The following PDGFD variants were observed in gnomAD, a reference collection of about 807,000 sequenced individuals.
The protein encoded by PDGFD is platelet-derived growth factor D.
In PDGFD, 30 loss-of-function variants were observed where a neutral mutation model predicts 44.7. The ratio of observed to expected loss-of-function variants is 0.67; its 90% CI spans 0.50 to 0.91. PDGFD has a LOEUF of 0.91. Ranked by LOEUF, PDGFD falls within the 40% of genes least tolerant of loss-of-function variation. The pLI is 0.00. For synonymous variants in PDGFD, 173 were observed against 168.4 expected (o/e 1.03, Z -0.21); for missense variants, 445 against 457.8 (o/e 0.97, Z 0.25).
chr11:104,150,070 T>G (rs867850926), intron 1 of PDGFD, among the ~76,000 whole-genome samples: 3 of 152,098 alleles, frequency 2.0e-5, no homozygotes, highest in South Asian at 2.1e-4. Context: ...TTCAACACTT[T>G]GACCTCAGAA....
At chr11:104,047,724 A>C (rs2134403798) in intron 1 of PDGFD, among the ~76,000 whole-genome samples, 2 of 118,626 alleles carry the variant, frequency 1.7e-5, no homozygotes, top group Admixed American at 1.6e-4. Flanking sequence ...GAAGTTTCAA[A>C]TTTCCACTCC....
chr11:104,011,332 T>A (rs978523605), intron 1 of PDGFD, among the ~76,000 whole-genome samples: 3 of 152,094 alleles, frequency 2.0e-5, no homozygotes, highest in African/African-American at 7.2e-5. Context: ...ATGACTATAT[T>A]TAATATGTAC....
intron 1 of PDGFD, among the ~76,000 whole-genome samples, chr11:104,120,487 C>T (rs902248428): frequency 6.6e-6 from 1 of 151,788 alleles, no homozygotes; most frequent in African/African-American, 2.4e-5. Context: ...AATTCTTGAC[C>T]TGGCACCAAC....
At chr11:104,064,051 G>A (rs1860751405) in intron 1 of PDGFD, among the ~76,000 whole-genome samples, 1 of 152,222 alleles carries the variant, frequency 6.6e-6, no homozygotes, top group South Asian at 2.1e-4. Context: ...TGCAGACCCT[G>A]ACTCTGTGAT....
chr11:104,154,334 T>C (rs76344299), intron 1 of PDGFD, among the ~76,000 whole-genome samples: 2,630 of 152,300 alleles, frequency 0.017, 99 homozygotes, highest in African/African-American at 0.06. Flanking sequence ...TGCGTTAGTT[T>C]TGGCTTTATT....
intron 1 of PDGFD, among the ~76,000 whole-genome samples, chr11:104,073,505 A>T (rs527257643): frequency 8.5e-5 from 13 of 152,206 alleles, no homozygotes; most frequent in African/African-American, 3.1e-4. Context: ...TTATGAGAAG[A>T]AGTAAGACAC....
intron 3 of PDGFD, among the ~76,000 whole-genome samples, chr11:103,951,021 G>T (rs1445882950): frequency 1.3e-5 from 2 of 152,034 alleles, no homozygotes; most frequent in Non-Finnish European, 2.9e-5. Flanking sequence ...AGAACTTTTA[G>T]CTTCTTCACT....
intron 1 of PDGFD, among the ~76,000 whole-genome samples, chr11:104,097,714 A>G (rs1861306637): frequency 6.6e-6 from 1 of 152,344 alleles, no homozygotes; most frequent in Non-Finnish European, 1.5e-5. Flanking sequence ...CACCAACTCT[A>G]TGAAGAAGAT....
At chr11:104,071,953 A>C (rs1860884481) in intron 1 of PDGFD, among the ~76,000 whole-genome samples, 1 of 151,532 alleles carries the variant, frequency 6.6e-6, no homozygotes, top group Non-Finnish European at 1.5e-5. Flanking sequence ...TTATATATTC[A>C]TGTGTCTGTG....
chr11:104,009,422 G>A (rs2134373497), intron 1 of PDGFD, among the ~76,000 whole-genome samples: 2 of 131,356 alleles, frequency 1.5e-5, no homozygotes, highest in South Asian at 4.7e-4. Flanking sequence ...CCTGTGTCTT[G>A]CAAATGCATT....
chr11:104,102,496 C>T (rs942933289), intron 1 of PDGFD, among the ~76,000 whole-genome samples: 26 of 152,276 alleles, frequency 1.7e-4, no homozygotes, highest in African/African-American at 6.0e-4. Flanking sequence ...TAAACTAGTT[C>T]AACCATTGTG....
At chr11:104,033,981 C>T (rs1860172988) in intron 1 of PDGFD, among the ~76,000 whole-genome samples, 1 of 151,952 alleles carries the variant, frequency 6.6e-6, no homozygotes, top group African/African-American at 2.4e-5. Flanking sequence ...AAAAATAATC[C>T]TTATATGATG....
At chr11:103,956,924 ATTTG>A (rs1858860186) in intron 3 of PDGFD, among the ~76,000 whole-genome samples, 1 of 152,028 alleles carries the variant, frequency 6.6e-6, no homozygotes, top group Non-Finnish European at 1.5e-5. Flanking sequence ...TTTCTTGTAA[ATTTG>A]TTTGAGTTCA....
At chr11:103,988,301 T>C (rs1470645491) in intron 3 of PDGFD, among the ~76,000 whole-genome samples, 1 of 151,666 alleles carries the variant, frequency 6.6e-6, no homozygotes, top group Non-Finnish European at 1.5e-5. Flanking sequence ...AGGATAAAAG[T>C]TTACTTGTTG....
rs1465485985 is a variant in PDGFD, at chr11:103,994,697, G to A, written c.510+1368C>T. 6.6e-5 allele frequency among the ~76,000 whole-genome samples: 10 copies of A among 151,882 alleles called. No individual in the cohort carries two copies. In the East Asian group the frequency reaches 1.9e-3, roughly 29 times the overall value. On this transcript the variant is annotated intron_variant, in intron 3 of 6. Transcript: ENST00000393158. ...ATTTTGGCATTCACACTTGGTAAAG[G>A]GACAGAGACAAACCGAAAGAAAGTG...
chr11:104,061,780 T>G (rs361259), intron 1 of PDGFD, among the ~76,000 whole-genome samples: 69,002 of 151,824 alleles, frequency 0.45, 16,995 homozygotes, highest in African/African-American at 0.65. Flanking sequence ...ACTAATTTTT[T>G]TATTTTTAGT....
At chr11:104,026,999 T>C (rs1158028378) in intron 1 of PDGFD, among the ~76,000 whole-genome samples, 1 of 152,236 alleles carries the variant, frequency 6.6e-6, no homozygotes, top group African/African-American at 2.4e-5. Context: ...GATGAACAGA[T>C]TGTCTTTTCA....
chr11:103,908,294 C>T lies in PDGFD; in HGVS notation c.*1400G>A, dbSNP rs1857969147. 1 of 152,122 alleles carries T rather than the reference C, an allele frequency of 6.6e-6. No homozygotes were observed. The highest frequency in any genetic ancestry group is 2.4e-5 in the African/African-American group (1 of 41,400). 9.4% of individuals were successfully genotyped at this position (152,122 alleles called of 1,614,324 possible). A position where few individuals can be genotyped will look rare whatever the true frequency, so the allele number is the denominator to read the frequency against. ...TGGAGTTAGTCTCCTTTAAAACAGA[C>T]ACAAAGGAGGCAGAGAGAAAAAATT... On this transcript the variant is annotated 3_prime_UTR_variant, in exon 7 of 7. Coordinates refer to ENST00000393158, the MANE Select transcript of PDGFD (RefSeq NM_025208.5).
intron 3 of PDGFD, among the ~76,000 whole-genome samples, chr11:103,977,760 G>C (rs1486955185): frequency 1.3e-5 from 2 of 151,922 alleles, no homozygotes; most frequent in Non-Finnish European, 2.9e-5. Flanking sequence ...AAAAGGAGTG[G>C]GGATGGGGGA....
Sources: gnomAD v4.1 joint callset for allele counts (sites outside exome capture counted in the v4.1 genomes callset) on GRCh38, gnomAD v4.1.1 for gene constraint, MANE v1.5 for transcripts, NCBI Gene and HGNC (gene_info 2026-07-23, HGNC 2026-07-21) for gene names.